COPG2: variants seen among roughly 807,000 people sequenced by gnomAD.
COPG2 encodes coatomer subunit gamma-2.
In COPG2, 37 loss-of-function variants were observed where a neutral mutation model predicts 46.3. The observed-to-expected ratio is 0.80, with a 90% CI of 0.61 to 1.05. COPG2 has a LOEUF of 1.05. Among genes scored for constraint, COPG2 ranks in the 50% least tolerant of loss-of-function variants. The probability of loss-of-function intolerance (pLI) is 0.00; values close to 1 mark genes in which losing one functional copy is unlikely to be tolerated. For synonymous variants in COPG2, 159 were observed against 129.7 expected, an observed-to-expected ratio of 1.23 and a Z score of -1.53; for missense variants, 427 against 387.8, an observed-to-expected ratio of 1.10 and a Z score of -0.85.
chr7:130,633,487 A>G (rs1795268970), intron 5 of COPG2, among the ~76,000 whole-genome samples: 1 of 152,118 alleles, frequency 6.6e-6, no homozygotes, highest in Admixed American at 6.5e-5. Flanking sequence ...GCATTTCTCT[A>G]ATGACCAGTG....
At chr7:130,627,604 C>G (rs1563063904) in intron 5 of COPG2, among the ~76,000 whole-genome samples, 1 of 152,112 alleles carries the variant, frequency 6.6e-6, no homozygotes, top group Admixed American at 6.6e-5. Flanking sequence ...TTGGGCAATT[C>G]TTTTTACCGT....
chr7:130,570,381 A>G (rs1793874920), intron 9 of COPG2, among the ~76,000 whole-genome samples: 1 of 152,230 alleles, frequency 6.6e-6, no homozygotes, highest in Non-Finnish European at 1.5e-5. Context: ...AATGTACACA[A>G]ATCAGTAGCA....
chr7:130,528,168 G>A (rs1310479598), intron 20 of COPG2, among the ~76,000 whole-genome samples: 1 of 152,050 alleles, frequency 6.6e-6, no homozygotes, highest in East Asian at 1.9e-4. Flanking sequence ...TTGAGACTGG[G>A]TGCGTTTGTA....
In COPG2 at chr7:130,617,061, T is replaced by C; in HGVS notation, c.328A>G (p.Thr110Ala). The change falls in exon 6 of 24, where the codon ACT (threonine) becomes GCT (alanine). Residue 110 changes from threonine to alanine, a missense_variant. Physicochemically the swap from Thr to Ala is moderately conservative, Grantham distance 58. Coordinates refer to ENST00000425248, the MANE Select transcript of COPG2 (RefSeq NM_012133.6). ...TCTTCTTTTCCAGTCATGTCTTTAG[T>C]CAGACTAAGAAAAATCAAATTGGTT... ...EDVIIVTSSL[T>A]KDMTGKEDVY... The C allele has an allele frequency of 6.2e-7, 1 of 1,606,204 alleles. No homozygotes were observed. Among genetic ancestry groups the C allele is most frequent in the Non-Finnish European group, 8.5e-7 (1 of 1,173,944 alleles).
chr7:130,542,061 G>C (rs1793338520), intron 20 of COPG2, among the ~76,000 whole-genome samples: 2 of 126,018 alleles, frequency 1.6e-5, no homozygotes, highest in East Asian at 4.0e-4. Context: ...CAAGAAGAAT[G>C]AGTTGGAGCA....
intron 4 of COPG2, 43 bp downstream of exon 4, chr7:130,662,924 A>G (rs1584619911): frequency 8.5e-7 from 1 of 1,174,928 alleles, no homozygotes; most frequent in Non-Finnish European, 1.2e-6. Flanking sequence ...GAAAATAAAT[A>G]AAAGGAGGTT....
chr7:130,562,313 C>T (rs1793732820), intron 11 of COPG2, among the ~76,000 whole-genome samples: 3 of 152,094 alleles, frequency 2.0e-5, no homozygotes, highest in Admixed American at 1.3e-4. Context: ...GTGCCAAGAT[C>T]GTGCCACTGC....
At chr7:130,525,397 T>C (rs1799764009) in intron 20 of COPG2, among the ~76,000 whole-genome samples, 4 of 151,954 alleles carry the variant, frequency 2.6e-5, no homozygotes, top group Non-Finnish European at 5.9e-5. Flanking sequence ...CAGGAGAATG[T>C]GGGGGATGGG....
In COPG2 at chr7:130,599,953, AT is replaced by A. The variant is rs564546902; in HGVS notation, c.737+10999del. Among the ~76,000 whole-genome samples, 744 of 152,324 alleles carry A rather than the reference AT, an allele frequency of 4.9e-3. 3 individuals are homozygous for A. Among genetic ancestry groups the A allele is most frequent in the African/African-American group, 0.017 (709 of 41,586 alleles). ...CTATAAGTACAGTTTTCACTTTAAA[AT>A]TTTAGAAAGAATTAATACTGTATAT... On this transcript the variant is annotated intron_variant, in intron 9 of 23. Coordinates refer to ENST00000425248, the MANE Select transcript of COPG2 (RefSeq NM_012133.6).
At chr7:130,568,506 A>G (rs1479979490) in intron 9 of COPG2, among the ~76,000 whole-genome samples, 2 of 152,206 alleles carry the variant, frequency 1.3e-5, no homozygotes, top group Non-Finnish European at 2.9e-5. Context: ...CAACAGGAAA[A>G]TATCACAATC....
rs540042146 is a variant in COPG2 at position 130,613,616 on chromosome 7, A to T, written c.420T>A (p.Ile140=). ...CAATGGCCTGCTTCATGTATCTTTC[A>T]ATGGCTTGCAACATTGTTCCCTAAT... is the stretch of plus-strand genomic sequence containing the variant. ...RITDGTMLQA[I]ERYMKQAIVD... The change falls in exon 7 of 24, where the codon ATT becomes ATA. Residue 140 remains isoleucine, a synonymous_variant. Transcript: ENST00000425248. 1.9e-6 allele frequency: 3 copies of T among 1,599,408 alleles called. No homozygotes were observed. In the South Asian group the frequency reaches 3.4e-5, roughly 18 times the overall value.
Position 130,613,651 on chromosome 7 carries a change from A to G in COPG2, c.400-15T>C. On this transcript the variant is annotated splice_polypyrimidine_tract_variant and intron_variant, in intron 6 of 23. Transcript: ENST00000425248. ...AACATTGTTCCCTAATAACATTCAA[A>G]AAGAAAAAATTGTTAAGGAAAAACA... 8 of 1,556,668 alleles carry G rather than the reference A, an allele frequency of 5.1e-6. No individual in the cohort carries two copies. Among genetic ancestry groups the G allele is most frequent in the Non-Finnish European group, 7.0e-6 (8 of 1,140,628 alleles).
chr7:130,644,989 G>A (rs1795565540), intron 5 of COPG2, among the ~76,000 whole-genome samples: 1 of 151,280 alleles, frequency 6.6e-6, no homozygotes, highest in South Asian at 2.1e-4. Flanking sequence ...TTGAACCCAG[G>A]AGGCAGAGAT....
chr7:130,535,935 C>A (rs940612424), intron 20 of COPG2, among the ~76,000 whole-genome samples: 4 of 151,980 alleles, frequency 2.6e-5, no homozygotes, highest in Non-Finnish European at 5.9e-5. Flanking sequence ...GGGAAACAAA[C>A]AGGATGATGA....
Position 130,577,426 on chromosome 7 carries a change from G to A in COPG2, c.738-13033C>T, listed in dbSNP as rs1252644427. 5.3e-5 allele frequency among the ~76,000 whole-genome samples: 8 copies of A among 152,170 alleles called. No individual in the cohort carries two copies. The South Asian group carries it at 6.2e-4, about 12-fold the overall frequency. Reference sequence around the variant, plus strand: ...GGGTGATGGACGCACCTGGAAAATCGGGTCACTCCCACCCGAATATTGAGC... The same window carrying A: ...GGGTGATGGACGCACCTGGAAAATCAGGTCACTCCCACCCGAATATTGAGC... On this transcript the variant is annotated intron_variant, in intron 9 of 23. Coordinates refer to ENST00000425248, the MANE Select transcript of COPG2 (RefSeq NM_012133.6).
At chr7:130,610,766 C>A in intron 9 of COPG2, 187 bp downstream of exon 9, 2 of 685,350 alleles carry the variant, frequency 2.9e-6, no homozygotes, top group South Asian at 1.6e-5. Flanking sequence ...AGTACATATA[C>A]AAGAGCATAC....
intron 9 of COPG2, among the ~76,000 whole-genome samples, chr7:130,583,389 T>C (rs1554447505): frequency 3.4e-5 from 5 of 147,990 alleles, no homozygotes. Context: ...GAGATATACC[T>C]AATGCTAGAT....
chr7:130,626,631 A>T (rs1554454333), intron 5 of COPG2, among the ~76,000 whole-genome samples: 1 of 151,900 alleles, frequency 6.6e-6, no homozygotes, highest in African/African-American at 2.4e-5. Context: ...CTCCAAAATA[A>T]ACCTATCTTT....
At chr7:130,508,518 G>T (rs372036348) in intron 21 of COPG2, 44 bp downstream of exon 21, 2 of 739,546 alleles carry the variant, frequency 2.7e-6, no homozygotes, top group Non-Finnish European at 5.0e-6. Flanking sequence ...GTCACTTAGT[G>T]TTGTGAAGGT....
Sources: allele counts gnomAD v4.1 joint callset (sites outside exome capture counted in the v4.1 genomes callset), GRCh38; gene constraint gnomAD v4.1.1; transcripts MANE v1.5; gene names NCBI Gene and HGNC (gene_info 2026-07-23, HGNC 2026-07-21).